Variants in MTRR observed in about 807,000 individuals in gnomAD.
MTRR encodes 5-methyltetrahydrofolate-homocysteine methyltransferase reductase.
Under a neutral mutation model 79.2 loss-of-function variants are expected in MTRR, and 63 were observed. The observed-to-expected ratio is 0.80, with a 90% confidence interval of 0.65 to 0.98. The LOEUF is 0.98. Among genes scored for constraint, MTRR ranks in the 50% least tolerant of loss-of-function variants. The pLI, the probability that MTRR is intolerant of heterozygous loss-of-function variation, is 0.00. For missense variants in MTRR, 895 were observed against 839.6 expected (o/e 1.07, Z -0.82); for synonymous variants, 355 against 313.3 (o/e 1.13, Z -1.41).
Position 7,875,254 on chromosome 5 carries a change from C to G in MTRR, c.284-4C>G, listed in dbSNP as rs984756085. 6.3e-7 allele frequency: 1 copy of G among 1,593,676 alleles called. No individual in the cohort carries two copies. Among genetic ancestry groups the G allele is most frequent in the South Asian group, 1.1e-5 (1 of 90,648 alleles). On this transcript the variant is annotated splice_polypyrimidine_tract_variant and splice_region_variant and intron_variant, in intron 3 of 14. Coordinates refer to ENST00000440940, the MANE Select transcript of MTRR (RefSeq NM_002454.3). ...TGCATTAATTATGTATTTGGGTTCT[C>G]TAGGTCTCGGTGATTCAGAATACAC...
At chr5:7,891,543 C>A in intron 10 of MTRR, 129 bp downstream of exon 10, 1 of 721,332 alleles carries the variant, frequency 1.4e-6, no homozygotes, top group Non-Finnish European at 2.4e-6. Flanking sequence ...CAGTACCAGG[C>A]ATAATAAAGC....
At chr5:7,854,769 C>T (rs1360808417) in intron 1 of MTRR, among the ~76,000 whole-genome samples, 2 of 152,156 alleles carry the variant, frequency 1.3e-5, no homozygotes, top group African/African-American at 4.8e-5. Flanking sequence ...TACAATCGGC[C>T]ACCTGCAAGC....
At position 7,883,542 on chromosome 5, in the gene MTRR, G is replaced by A. The variant is rs184474926; in HGVS notation, c.903+265G>A. Among the ~76,000 whole-genome samples the A allele has an allele frequency of 4.5e-3, 650 of 144,872 alleles. 1 individual carries two copies. Among genetic ancestry groups the A allele is most frequent in the African/African-American group, 0.017 (613 of 35,398 alleles). On this transcript the variant is annotated intron_variant, in intron 6 of 14. Coordinates refer to ENST00000440940, the MANE Select transcript of MTRR (RefSeq NM_002454.3). ...TGCTTGGTTACATATGCTGAGTTGT[G>A]TGGTGCTTGGTTACATATGCTGAGT...
At chr5:7,883,933 TG>T (rs1400295147) in intron 6 of MTRR, among the ~76,000 whole-genome samples, 1 of 152,150 alleles carries the variant, frequency 6.6e-6, no homozygotes, top group South Asian at 2.1e-4. Context: ...CCCAGCACTT[TG>T]GGAGGCTGAA....
Position 7,892,754 on chromosome 5 carries a change from C to G in MTRR, c.1398C>G (p.Leu466=). 1.2e-6 allele frequency: 2 copies of G among 1,614,186 alleles called. No individual in the cohort carries two copies. The highest frequency in any genetic ancestry group is 1.1e-5 in the South Asian group (1 of 91,078). Residue 466 remains leucine (L), a synonymous_variant, in exon 11 of 15, where the codon CTC becomes CTG. Coordinates refer to ENST00000440940, the MANE Select transcript of MTRR (RefSeq NM_002454.3). ...CAAGTTTATTTCACCCAGGAAAGCT[C>G]CATTTTGTCTTCAACATTGTGGAAT... ...ASSSLFHPGK[L]HFVFNIVEFL...
At chr5:7,890,065 G>T (rs1397316518) in intron 9 of MTRR, among the ~76,000 whole-genome samples, 2 of 152,142 alleles carry the variant, frequency 1.3e-5, no homozygotes, top group Non-Finnish European at 2.9e-5. Flanking sequence ...TTACTTTCTT[G>T]TGCTTGTAAC....
chr5:7,869,775 C>A (rs1747580117), intron 1 of MTRR: 1 of 167,070 alleles, frequency 6.0e-6, no homozygotes, highest in Non-Finnish European at 1.3e-5. Flanking sequence ...TCCTGGGAAG[C>A]CCTCAGGATG....
chr5:7,885,122 A>C (rs1015316494), intron 6 of MTRR: 1 of 159,124 alleles, frequency 6.3e-6, no homozygotes, highest in Non-Finnish European at 1.4e-5. Context: ...CAATGGGCCT[A>C]GTAATAGACT....
At position 7,895,792 on chromosome 5, in the gene MTRR, C is replaced by T. The variant is rs775914890; in HGVS notation, c.1616C>T (p.Pro539Leu). The T allele has an allele frequency of 1.2e-6, 2 of 1,613,958 alleles. No homozygotes were observed. Among genetic ancestry groups the T allele is most frequent in the African/African-American group, 1.3e-5 (1 of 74,916 alleles). Residue 539 changes from proline to leucine, a missense_variant, in exon 12 of 15, where the codon CCC becomes CTC. By Grantham distance (98) the Pro-to-Leu change is moderately conservative (BLOSUM62 -3). Coordinates refer to ENST00000440940, the MANE Select transcript of MTRR (RefSeq NM_002454.3). ...CACTTACCAGATGACCCCTCAATCC[C>T]CATCATAATGGTGGGTCCAGGAACC... ...SFHLPDDPSI[P>L]IIMVGPGTGI...
chr5:7,867,985 A>T (rs1332096471), upstream of MTRR: 2 of 1,614,166 alleles, frequency 1.2e-6, no homozygotes, highest in East Asian at 2.2e-5. Context: ...CTACCTTGTG[A>T]ACATGATTTA....
upstream of MTRR, chr5:7,867,872 T>C: frequency 6.2e-7 from 1 of 1,614,212 alleles, no homozygotes; most frequent in African/African-American, 1.3e-5. Flanking sequence ...ATGAAGGTCA[T>C]TTCCATTTTT....
chr5:7,890,160 C>T, intron 9 of MTRR: 1 of 667,712 alleles, frequency 1.5e-6, no homozygotes, highest in Middle Eastern at 7.4e-4. Context: ...TGTATATTGT[C>T]CTTTTTACTC....
intron 3 of MTRR, among the ~76,000 whole-genome samples, chr5:7,874,326 G>A (rs1748489391): frequency 6.6e-6 from 1 of 152,066 alleles, no homozygotes; most frequent in South Asian, 2.1e-4. Flanking sequence ...ATTTGAGATT[G>A]TAACCCTGGC....
At chr5:7,894,669 T>C (rs915908033) in intron 11 of MTRR, among the ~76,000 whole-genome samples, 7 of 152,252 alleles carry the variant, frequency 4.6e-5, no homozygotes, top group African/African-American at 7.2e-5. Flanking sequence ...AATTAGCAGC[T>C]CACTGCCACA....
intron 14 of MTRR, among the ~76,000 whole-genome samples, chr5:7,898,392 A>G (rs1579837868): frequency 6.7e-6 from 1 of 149,970 alleles, no homozygotes; most frequent in African/African-American, 2.5e-5. Flanking sequence ...GACTCCTAAA[A>G]CATTATTCCA....
chr5:7,861,747 C>T, intron 1 of MTRR: 1 of 1,509,568 alleles, frequency 6.6e-7, no homozygotes, highest in South Asian at 1.3e-5. Context: ...ATTCCTTCCA[C>T]CTTGCATTGA....
At chr5:7,871,739 C>T (rs1748038285) in intron 2 of MTRR, among the ~76,000 whole-genome samples, 1 of 152,192 alleles carries the variant, frequency 6.6e-6, no homozygotes, top group Non-Finnish European at 1.5e-5. Flanking sequence ...GAAGGAGACT[C>T]ACCTAGTTCC....
upstream of MTRR, chr5:7,869,073 C>A: frequency 6.3e-7 from 1 of 1,579,930 alleles, no homozygotes; most frequent in Non-Finnish European, 8.7e-7. Context: ...CGACTCAGGG[C>A]GGCGCAATGT....
chr5:7,868,847 G>A (rs1168472354), upstream of MTRR: 5 of 533,940 alleles, frequency 9.4e-6, no homozygotes, highest in South Asian at 2.0e-5. Flanking sequence ...CGCGGGGCGA[G>A]CACCCCCAAA....
Sources: gnomAD v4.1 joint callset for allele counts (sites outside exome capture counted in the v4.1 genomes callset) on GRCh38, gnomAD v4.1.1 for gene constraint, MANE v1.5 for transcripts, NCBI Gene and HGNC (gene_info 2026-07-23, HGNC 2026-07-21) for gene names.